The following RBFOX1 variants were observed in gnomAD, a reference collection of about 807,000 sequenced individuals.
The protein encoded by RBFOX1 is RNA binding protein fox-1 homolog 1.
RBFOX1 carries 8 observed loss-of-function variants against 57.7 expected under a neutral mutation model. The ratio of observed to expected loss-of-function variants is 0.14; its 90% CI spans 0.08 to 0.25. RBFOX1 has a LOEUF of 0.25. RBFOX1 is among the 10% of genes least tolerant of loss of function. The pLI, the probability that RBFOX1 is intolerant of heterozygous loss-of-function variation, is 1.00. For synonymous variants in RBFOX1, 326 were observed against 222.4 expected (o/e 1.47, Z -4.15); for missense variants, 611 against 548.5 (o/e 1.11, Z -1.14).
chr16:6,856,315 A>G (rs1443253029), intron 3 of RBFOX1, among the ~76,000 whole-genome samples: 1 of 152,198 alleles, frequency 6.6e-6, no homozygotes, highest in Admixed American at 6.5e-5. Context: ...TCTATTCCCA[A>G]TTCATATTGT....
chr16:6,497,197 G>T (rs1451652275), intron 2 of RBFOX1, among the ~76,000 whole-genome samples: 1 of 152,172 alleles, frequency 6.6e-6, no homozygotes, highest in Non-Finnish European at 1.5e-5. Flanking sequence ...CCCACAAGCA[G>T]CTTGCTTAAC....
chr16:6,825,039 C>T (rs1228181338), intron 3 of RBFOX1, among the ~76,000 whole-genome samples: 1 of 122,276 alleles, frequency 8.2e-6, no homozygotes, highest in Non-Finnish European at 1.6e-5. Flanking sequence ...CTCTGTCACC[C>T]AGGCTGGAAT....
intron 4 of RBFOX1, among the ~76,000 whole-genome samples, chr16:7,292,392 T>C (rs2095806230): frequency 1.4e-5 from 2 of 141,224 alleles, no homozygotes; most frequent in African/African-American, 5.2e-5. Flanking sequence ...ATACATGATA[T>C]ATAATATGTA....
chr16:7,490,752 C>G (rs2066719269), intron 4 of RBFOX1, among the ~76,000 whole-genome samples: 3 of 152,114 alleles, frequency 2.0e-5, no homozygotes. Context: ...TGTTCATTAT[C>G]TTCTAGTCTT....
intron 3 of RBFOX1, among the ~76,000 whole-genome samples, chr16:6,920,324 G>C (rs373476481): frequency 1.3e-5 from 2 of 152,196 alleles, no homozygotes; most frequent in East Asian, 1.9e-4. Context: ...CGGTAGTTCT[G>C]CTCTTAATGA....
At chr16:6,294,869 G>A (rs538555213) in intron 1 of RBFOX1, among the ~76,000 whole-genome samples, 15 of 152,138 alleles carry the variant, frequency 9.9e-5, no homozygotes, top group South Asian at 2.1e-4. Context: ...CATTTACACC[G>A]TTCCCTATCA....
intron 1 of RBFOX1, among the ~76,000 whole-genome samples, chr16:6,225,340 A>T (rs2097408516): frequency 6.6e-6 from 1 of 152,160 alleles, no homozygotes; most frequent in Non-Finnish European, 1.5e-5. Flanking sequence ...ATCTTCTAAA[A>T]AATGTGCCCA....
At chr16:5,651,087 C>G (rs1027105830) in intron 3 of RBFOX1, among the ~76,000 whole-genome samples, 2 of 112,544 alleles carry the variant, frequency 1.8e-5, no homozygotes, top group South Asian at 3.1e-4. Flanking sequence ...GGGTCTCACT[C>G]TGTCACCCAG....
rs182306943 is a variant in RBFOX1 at position 6,970,900 on chromosome 16, C to G, written c.-15-81157C>G. Among the ~76,000 whole-genome samples, 5 of 152,268 alleles carry G rather than the reference C, an allele frequency of 3.3e-5. No individual in the cohort carries two copies. The South Asian group carries it at 6.2e-4, about 19-fold the overall frequency. ...GACAACTGCAGTAAGGCTCAAAGAC[C>G]TTTGTGCTGTGCTGTTCCATTTGTC... On this transcript the variant is annotated intron_variant, in intron 3 of 15. Transcript: ENST00000550418.
At chr16:6,407,180 T>C (rs556845231) in intron 2 of RBFOX1, among the ~76,000 whole-genome samples, 5 of 152,300 alleles carry the variant, frequency 3.3e-5, no homozygotes, top group Middle Eastern at 3.4e-3. Context: ...TATCTATATG[T>C]CTATATGTCT....
At chr16:5,428,204 C>G (rs899756993) in intron 1 of RBFOX1, among the ~76,000 whole-genome samples, 1 of 152,062 alleles carries the variant, frequency 6.6e-6, no homozygotes, top group African/African-American at 2.4e-5. Flanking sequence ...CCTTACTGAA[C>G]TTCCCCATGG....
At chr16:7,558,890 A>G (rs1001083131) in intron 5 of RBFOX1, among the ~76,000 whole-genome samples, 5 of 152,380 alleles carry the variant, frequency 3.3e-5, no homozygotes, top group Middle Eastern at 3.4e-3. Flanking sequence ...GATGGGATTC[A>G]TATTCCTAGC....
At chr16:6,020,277 C>T (rs1475415293) in intron 1 of RBFOX1, among the ~76,000 whole-genome samples, 2 of 152,122 alleles carry the variant, frequency 1.3e-5, no homozygotes, top group Middle Eastern at 3.2e-3. Context: ...CTACCTCGTC[C>T]GTCCTCCTGG....
In RBFOX1 at chr16:5,969,298, CTTTTTTTTTTTTTT is replaced by C. The variant is rs71142659; in HGVS notation, c.351+101975_351+101988del. ...ATGCCTGTGATTATTTTCGGTTGTT[CTTTTTTTTTTTTTT>C]TTTTTTTTTTTGGTTTGGAAATGGA... On this transcript the variant is annotated intron_variant, in intron 4 of 19. Coordinates refer to the RBFOX1 transcript ENST00000641259. 3.2e-3 allele frequency among the ~76,000 whole-genome samples: 265 copies of C among 83,776 alleles called. 1 individual carries two copies. The highest frequency in any genetic ancestry group is 7.9e-3 in the African/African-American group (171 of 21,558). 55.0% of individuals were successfully genotyped at this position (83,776 alleles called of 152,430 possible).
chr16:7,392,140 C>G (rs2098040103), intron 4 of RBFOX1, among the ~76,000 whole-genome samples: 1 of 152,164 alleles, frequency 6.6e-6, no homozygotes, highest in South Asian at 2.1e-4. Flanking sequence ...CACGCTTTTC[C>G]TCCATCAAAA....
intron 1 of RBFOX1, among the ~76,000 whole-genome samples, chr16:5,267,016 C>G (rs1485152901): frequency 1.3e-5 from 2 of 150,740 alleles, no homozygotes; most frequent in Non-Finnish European, 3.0e-5. Context: ...TTGAACTACT[C>G]TGAAATGAGC....
intron 2 of RBFOX1, among the ~76,000 whole-genome samples, chr16:6,629,817 C>G (rs1427851961): frequency 6.6e-6 from 1 of 152,156 alleles, no homozygotes; most frequent in Non-Finnish European, 1.5e-5. Context: ...ATTTAAGATC[C>G]TTTTAATCAG....
At chr16:6,946,605 A>T (rs1056076171) in intron 3 of RBFOX1, among the ~76,000 whole-genome samples, 1 of 151,574 alleles carries the variant, frequency 6.6e-6, no homozygotes, top group Non-Finnish European at 1.5e-5. Flanking sequence ...CATTTTTTTG[A>T]GGGGGAAGGT....
chr16:5,475,502 C>T (rs964889987), intron 2 of RBFOX1, among the ~76,000 whole-genome samples: 1 of 152,228 alleles, frequency 6.6e-6, no homozygotes, highest in African/African-American at 2.4e-5. Flanking sequence ...TCTTCCCAGG[C>T]ATTGTCAACT....
Sources: gnomAD v4.1 joint callset for allele counts (sites outside exome capture counted in the v4.1 genomes callset) on GRCh38, gnomAD v4.1.1 for gene constraint, MANE v1.5 for transcripts, NCBI Gene and HGNC (gene_info 2026-07-23, HGNC 2026-07-21) for gene names.